SYNE2: variants seen among roughly 807,000 people sequenced by gnomAD.
SYNE2 encodes the protein spectrin repeat containing nuclear envelope protein 2.
Under a neutral mutation model 856.3 loss-of-function variants are expected in SYNE2, and 431 were observed. That is an observed-to-expected ratio of 0.50 (90% CI 0.47 to 0.55). SYNE2 has a LOEUF of 0.55. SYNE2 is among the 20% of genes least tolerant of loss of function. SYNE2 has a pLI of 0.00. For synonymous variants in SYNE2, 2,923 were observed against 2,872.3 expected (o/e 1.02, Z -0.56); for missense variants, 8,129 against 8,023.2 (o/e 1.01, Z -0.50).
At chr14:63,906,806 A>T (rs1401968367) in intron 1 of SYNE2, among the ~76,000 whole-genome samples, 1 of 152,212 alleles carries the variant, frequency 6.6e-6, no homozygotes, top group African/African-American at 2.4e-5. Context: ...CTATAACAAA[A>T]TACCATAAAA....
At chr14:64,062,509 A>G (rs1468860253) in intron 49 of SYNE2, among the ~76,000 whole-genome samples, 3 of 152,218 alleles carry the variant, frequency 2.0e-5, no homozygotes, top group Admixed American at 6.5e-5. Context: ...TTAAAAAAAA[A>G]AAATCTTCAT....
chr14:63,872,545 C>G (rs146083448), intron 1 of SYNE2, among the ~76,000 whole-genome samples: 25 of 152,066 alleles, frequency 1.6e-4, no homozygotes, highest in African/African-American at 6.0e-4. Flanking sequence ...CACCTGAGGT[C>G]AGGAGTTTGA....
At chr14:64,138,134 C>G in intron 79 of SYNE2, 151 bp downstream of exon 79, 1 of 744,988 alleles carries the variant, frequency 1.3e-6, no homozygotes, top group Admixed American at 2.3e-5. Context: ...CTGGGCTAAA[C>G]GCGATGTAGA....
At chr14:64,035,647 T>C (rs901171718) in intron 45 of SYNE2, among the ~76,000 whole-genome samples, 8 of 151,646 alleles carry the variant, frequency 5.3e-5, no homozygotes, top group African/African-American at 1.7e-4. Flanking sequence ...GGTGAGGGAA[T>C]TGAAGTCCAG....
intron 50 of SYNE2, among the ~76,000 whole-genome samples, chr14:64,064,289 T>C (rs141024107): frequency 2.0e-4 from 30 of 152,256 alleles, no homozygotes; most frequent in East Asian, 1.4e-3. Flanking sequence ...GGGGAACATA[T>C]ACAGCATGAT....
chr14:63,940,539 C>T, intron 2 of SYNE2, 75 bp from the exon 3 acceptor site: 2 of 1,376,916 alleles, frequency 1.5e-6, no homozygotes, highest in Admixed American at 1.7e-5. Context: ...CGTGACAGAC[C>T]TTTGAAGCTC....
intron 112 of SYNE2, among the ~76,000 whole-genome samples, chr14:64,222,506 A>T (rs1454686450): frequency 3.9e-5 from 6 of 152,192 alleles, no homozygotes; most frequent in Non-Finnish European, 5.9e-5. Flanking sequence ...GGAGTTCAAG[A>T]CCAGTCTGGC....
chr14:64,187,241 A>T (rs1270308894), intron 97 of SYNE2, among the ~76,000 whole-genome samples: 1 of 152,232 alleles, frequency 6.6e-6, no homozygotes, highest in Non-Finnish European at 1.5e-5. Flanking sequence ...AATTCCAACG[A>T]AAATAAATTC....
chr14:64,052,910 G>T lies in SYNE2; in HGVS notation c.8997G>T (p.Leu2999Phe), dbSNP rs773684701. The T allele has an allele frequency of 2.5e-6, 4 of 1,612,648 alleles. No homozygotes were observed. The highest frequency in any genetic ancestry group is 3.4e-6 in the Non-Finnish European group (4 of 1,179,680). Reference sequence around the variant, plus strand: ...TTAAGTGTTGCATCTTACAGGTATTGAAACTTAAAAAAGTGTTTGACTATA... The same window carrying T: ...TTAAGTGTTGCATCTTACAGGTATTTAAACTTAAAAAAGTGTTTGACTATA... ...TAIKCCILQV[L>F]KLKKVFDYIG... The change falls in exon 48 of 116, where the codon TTG becomes TTT. Residue 2999 changes from leucine (L) to phenylalanine (F), a missense_variant. By Grantham distance (22) the Leu-to-Phe change is conservative. Transcript: ENST00000555002.
Position 64,132,387 on chromosome 14 carries a change from A to G in SYNE2, c.14463A>G (p.Ile4821Met), listed in dbSNP as rs527506637. The G allele has an allele frequency of 5.6e-6, 9 of 1,614,206 alleles. No individual in the cohort carries two copies. Among genetic ancestry groups the G allele is most frequent in the Middle Eastern group, 3.3e-4 (2 of 6,062 alleles). ...CAGAACAAGTAACAGAAGTTAAAATACTAGAAGAAAAGTCACGCCAATGTG... is the reference window on the plus strand; with the variant it reads ...CAGAACAAGTAACAGAAGTTAAAATGCTAGAAGAAAAGTCACGCCAATGTG... Reference protein sequence around the residue: ...FWAEQVTEVKILEEKSRQCGM... With the variant: ...FWAEQVTEVKMLEEKSRQCGM... The change falls in exon 77 of 116, where the codon ATA becomes ATG. Residue 4821 changes from isoleucine to methionine, a missense_variant. Transcript: ENST00000555002.
Position 64,062,772 on chromosome 14 carries a change from C to T in SYNE2, c.10089C>T (p.Cys3363=), listed in dbSNP as rs1161366138. The T allele has an allele frequency of 6.2e-7, 1 of 1,613,530 alleles. No homozygotes were observed. Among genetic ancestry groups the T allele is most frequent in the Non-Finnish European group, 8.5e-7 (1 of 1,179,678 alleles). ...EAERYLENYK[C]YRKMEEDIYT... is the part of the protein sequence containing the mutation. Reference sequence around the variant, plus strand: ...CTAGGTATCTTGAGAATTACAAATGCTATAGAAAAATGGAAGAGGATATTT... The same window carrying T: ...CTAGGTATCTTGAGAATTACAAATGTTATAGAAAAATGGAAGAGGATATTT... Residue 3363 remains cysteine, a synonymous_variant, in exon 50 of 116, where the codon TGC becomes TGT. Transcript: ENST00000555002.
intron 30 of SYNE2, among the ~76,000 whole-genome samples, chr14:64,005,398 G>A (rs190056032): frequency 6.6e-4 from 100 of 152,308 alleles, no homozygotes; most frequent in African/African-American, 2.3e-3. Context: ...TTTGAAGATA[G>A]AGACCAGATG....
chr14:64,080,645 C>A lies in SYNE2; in HGVS notation c.11346+7C>A, dbSNP rs1350139464. On this transcript the variant is annotated splice_region_variant and intron_variant, in intron 56 of 115. Transcript: ENST00000555002. ...AACCTCACAGTTGAATAAGGTATGG[C>A]TGTGACTCGTAATAGCTTCATATCA... The A allele has an allele frequency of 6.2e-7, 1 of 1,613,852 alleles. No individual in the cohort carries two copies. The highest frequency in any genetic ancestry group is 2.2e-5 in the East Asian group (1 of 44,852).
chr14:64,196,602 G>A (rs1300595959), intron 99 of SYNE2, among the ~76,000 whole-genome samples: 2 of 152,170 alleles, frequency 1.3e-5, no homozygotes, highest in African/African-American at 4.8e-5. Flanking sequence ...GGACTCAGGG[G>A]CTTCAGATTT....
chr14:63,855,759 G>T (rs769477025), intron 1 of SYNE2, among the ~76,000 whole-genome samples: 1 of 152,156 alleles, frequency 6.6e-6, no homozygotes, highest in Non-Finnish European at 1.5e-5. Context: ...TTTTTCGGGA[G>T]ATTTTATATC....
chr14:64,219,442 T>G, intron 110 of SYNE2, 32 bp downstream of exon 110: 1 of 1,606,066 alleles, frequency 6.2e-7, no homozygotes, highest in Non-Finnish European at 8.5e-7. Context: ...GAAGAGGGAT[T>G]CAGAATGTGC....
intron 2 of SYNE2, among the ~76,000 whole-genome samples, chr14:63,923,520 G>A (rs34356347): frequency 0.16 from 24,182 of 152,182 alleles, 2,862 homozygotes; most frequent in African/African-American, 0.34. Context: ...TTCAATAAAT[G>A]TTTTCTAAAT....
At chr14:63,856,263 A>C (rs1405874416) in intron 1 of SYNE2, among the ~76,000 whole-genome samples, 1 of 152,184 alleles carries the variant, frequency 6.6e-6, no homozygotes, top group Non-Finnish European at 1.5e-5. Context: ...AGCCCTTTTT[A>C]TGGTTTAAGA....
intron 96 of SYNE2, among the ~76,000 whole-genome samples, chr14:64,182,924 C>T (rs2098465885): frequency 6.6e-6 from 1 of 152,196 alleles, no homozygotes; most frequent in Admixed American, 6.5e-5. Context: ...GGGGTGACGG[C>T]TGGGCAGAGG....
Sources: gnomAD v4.1 joint callset for allele counts (sites outside exome capture counted in the v4.1 genomes callset) on GRCh38, gnomAD v4.1.1 for gene constraint, MANE v1.5 for transcripts, NCBI Gene and HGNC (gene_info 2026-07-23, HGNC 2026-07-21) for gene names.